The following PCED1B variants were observed in gnomAD, a reference collection of about 807,000 sequenced individuals.
The protein encoded by PCED1B is PC-esterase domain containing 1B, also known as PC-esterase domain-containing protein 1B.
For synonymous variants in PCED1B, 251 were observed against 246.1 expected (o/e 1.02, Z -0.19); for missense variants, 573 against 573.9 (o/e 1.00, Z 0.02).
intron 2 of PCED1B, among the ~76,000 whole-genome samples, chr12:47,173,697 T>C (rs1941826444): frequency 6.6e-6 from 1 of 152,216 alleles, no homozygotes; most frequent in African/African-American, 2.4e-5. Flanking sequence ...TTAGGATGAT[T>C]ATGATTAATC....
intron 2 of PCED1B, among the ~76,000 whole-genome samples, chr12:47,104,935 A>G (rs11837160): frequency 0.43 from 64,969 of 151,976 alleles, 14,413 homozygotes; most frequent in Admixed American, 0.59. Context: ...GCCCTGTACC[A>G]TGGAGACTGG....
At chr12:47,195,382 G>A (rs931827884) in intron 2 of PCED1B, among the ~76,000 whole-genome samples, 11 of 151,564 alleles carry the variant, frequency 7.3e-5, no homozygotes, top group Admixed American at 3.3e-4. Flanking sequence ...CTAATGTCTC[G>A]AGGGAGAAAA....
chr12:47,134,797 G>C (rs978186015), intron 2 of PCED1B, among the ~76,000 whole-genome samples: 1 of 152,216 alleles, frequency 6.6e-6, no homozygotes, highest in Non-Finnish European at 1.5e-5. Flanking sequence ...GAACCCCAGA[G>C]GCAGAGCTTG....
chr12:47,115,648 G>A (rs1939386614), intron 2 of PCED1B, among the ~76,000 whole-genome samples: 1 of 151,992 alleles, frequency 6.6e-6, no homozygotes, highest in African/African-American at 2.4e-5. Flanking sequence ...TTTTAAAAAG[G>A]TGATATGTAG....
chr12:47,207,946 G>A (rs568649141), intron 2 of PCED1B, among the ~76,000 whole-genome samples: 2 of 152,222 alleles, frequency 1.3e-5, no homozygotes, highest in South Asian at 4.1e-4. Flanking sequence ...ATTTAAGTCT[G>A]TGGTTAATCA....
intron 2 of PCED1B, among the ~76,000 whole-genome samples, chr12:47,139,896 T>C (rs12830116): frequency 0.57 from 86,616 of 151,692 alleles, 25,546 homozygotes; most frequent in Admixed American, 0.64. Flanking sequence ...TGTGGTGTGG[T>C]AGGTGTATAG....
chr12:47,221,197 T>G (rs1943466308), intron 3 of PCED1B, among the ~76,000 whole-genome samples: 1 of 152,072 alleles, frequency 6.6e-6, no homozygotes, highest in Non-Finnish European at 1.5e-5. Flanking sequence ...AGTAAAATAT[T>G]TAACCATAAA....
intron 1 of PCED1B, among the ~76,000 whole-genome samples, chr12:47,085,612 T>A (rs966024655): frequency 2.0e-5 from 3 of 152,248 alleles, no homozygotes. Context: ...AGCAAAAAAA[T>A]TACAAAATGG....
chr12:47,197,939 G>A (rs1466153833), intron 2 of PCED1B, among the ~76,000 whole-genome samples: 1 of 152,148 alleles, frequency 6.6e-6, no homozygotes, highest in African/African-American at 2.4e-5. Flanking sequence ...GCCCAGATGG[G>A]TTCACTGGCT....
At chr12:47,089,461 CATATATATAT>C (rs1217283440) in intron 1 of PCED1B, among the ~76,000 whole-genome samples, 1,693 of 63,390 alleles carry the variant, frequency 0.027, 122 homozygotes, top group African/African-American at 0.097. Flanking sequence ...AAAAAAAATA[CATATATATAT>C]ATATATATAT....
chr12:47,133,044 T>C (rs1201601760), intron 2 of PCED1B, among the ~76,000 whole-genome samples: 1 of 152,194 alleles, frequency 6.6e-6, no homozygotes, highest in African/African-American at 2.4e-5. Context: ...ATAAGATAAT[T>C]TTCCCCTGTT....
chr12:47,092,261 A>C (rs1019380030), intron 1 of PCED1B, among the ~76,000 whole-genome samples: 3 of 152,022 alleles, frequency 2.0e-5, no homozygotes, highest in Admixed American at 6.5e-5. Context: ...ATCTTTAATT[A>C]GATTTATTTC....
intron 2 of PCED1B, among the ~76,000 whole-genome samples, chr12:47,171,395 T>G (rs1452617883): frequency 6.6e-6 from 1 of 152,174 alleles, no homozygotes; most frequent in Non-Finnish European, 1.5e-5. Context: ...CTTTTTTTGC[T>G]GATATGGCTT....
intron 2 of PCED1B, among the ~76,000 whole-genome samples, chr12:47,162,507 G>A (rs980066003): frequency 1.3e-5 from 2 of 152,182 alleles, no homozygotes; most frequent in Admixed American, 1.3e-4. Flanking sequence ...ATAAAGAAAT[G>A]AGGTTTATTT....
chr12:47,226,777 G>C (rs1455055251), intron 3 of PCED1B, among the ~76,000 whole-genome samples: 1 of 152,160 alleles, frequency 6.6e-6, no homozygotes, highest in African/African-American at 2.4e-5. Context: ...CTACCAAAAT[G>C]AATAAGTGTA....
At chr12:47,203,732 A>G (rs1413493253) in intron 2 of PCED1B, among the ~76,000 whole-genome samples, 1 of 152,134 alleles carries the variant, frequency 6.6e-6, no homozygotes, top group Non-Finnish European at 1.5e-5. Flanking sequence ...ATTTAGGTTG[A>G]TTTCATTTAT....
At chr12:47,215,678 G>C (rs1943234634) in intron 2 of PCED1B, among the ~76,000 whole-genome samples, 1 of 152,228 alleles carries the variant, frequency 6.6e-6, no homozygotes, top group African/African-American at 2.4e-5. Context: ...TGAGGCTGGG[G>C]CTCAGGCCTG....
intron 2 of PCED1B, among the ~76,000 whole-genome samples, chr12:47,167,110 C>T (rs1941568840): frequency 6.6e-6 from 1 of 152,072 alleles, no homozygotes; most frequent in Non-Finnish European, 1.5e-5. Flanking sequence ...TTATTGAGTC[C>T]TCTTCTCCAT....
At chr12:47,174,357 G>A (rs1377479948) in intron 2 of PCED1B, among the ~76,000 whole-genome samples, 3 of 151,520 alleles carry the variant, frequency 2.0e-5, no homozygotes, top group Admixed American at 6.6e-5. Context: ...TGCAGTTAGC[G>A]GAGATTGCGC....
Sources: allele counts gnomAD v4.1 joint callset (sites outside exome capture counted in the v4.1 genomes callset), GRCh38; gene constraint gnomAD v4.1.1; transcripts MANE v1.5; gene names NCBI Gene and HGNC (gene_info 2026-07-23, HGNC 2026-07-21).